Variants in AAGAB observed in about 807,000 individuals in gnomAD.
AAGAB encodes the protein alpha- and gamma-adaptin-binding protein p34.
In AAGAB, 38 loss-of-function variants were observed where a neutral mutation model predicts 44.1. That is an observed-to-expected ratio of 0.86 (90% CI 0.67 to 1.13). The LOEUF (loss-of-function observed/expected upper bound fraction) is 1.13. Among genes scored for constraint, AAGAB ranks in the 50% most tolerant of loss-of-function variants. The pLI, the probability that AAGAB is intolerant of heterozygous loss-of-function variation, is 0.00. For missense variants in AAGAB, 450 were observed against 373.8 expected (o/e 1.20, Z -1.68); for synonymous variants, 131 against 131.8 (o/e 0.99, Z 0.04).
At chr15:67,254,742 G>A, upstream of AAGAB, 1 of 1,363,694 alleles carries the variant, frequency 7.3e-7, no homozygotes, top group South Asian at 1.3e-5. Context: ...GGAATGACCA[G>A]GCTGGCCTGA....
intron 1 of AAGAB, among the ~76,000 whole-genome samples, chr15:67,238,437 T>C (rs1964519690): frequency 6.6e-6 from 1 of 152,186 alleles, no homozygotes; most frequent in Non-Finnish European, 1.5e-5. Context: ...AAATCAAAGA[T>C]GTTGTTTTCA....
chr15:67,211,802 G>A (rs1022659511), intron 5 of AAGAB, among the ~76,000 whole-genome samples: 3 of 152,132 alleles, frequency 2.0e-5, no homozygotes. Flanking sequence ...TGGCAGGCCA[G>A]AGTGCAACTC....
intron 5 of AAGAB, among the ~76,000 whole-genome samples, chr15:67,210,809 G>A (rs537285790): frequency 8.5e-5 from 13 of 152,186 alleles, no homozygotes; most frequent in Non-Finnish European, 1.8e-4. Context: ...CTCCAGGAGG[G>A]TCTTATGAAC....
At chr15:67,222,193 G>C (rs1408542706) in intron 5 of AAGAB, among the ~76,000 whole-genome samples, 1 of 149,402 alleles carries the variant, frequency 6.7e-6, no homozygotes, top group Non-Finnish European at 1.5e-5. Context: ...CATTTGCTTA[G>C]CAAAAGCAGA....
chr15:67,217,591 G>C (rs1036467721), intron 5 of AAGAB, among the ~76,000 whole-genome samples: 1 of 152,100 alleles, frequency 6.6e-6, no homozygotes, highest in African/African-American at 2.4e-5. Flanking sequence ...AGGCTGGAGT[G>C]CAGTGCTGTG....
intron 5 of AAGAB, 83 bp from the exon 6 acceptor site, chr15:67,209,627 A>T (rs923743573): frequency 2.7e-6 from 3 of 1,103,982 alleles, no homozygotes; most frequent in Admixed American, 1.8e-5. Flanking sequence ...AACAAAGGCT[A>T]CTTATTTGTT....
intron 5 of AAGAB, among the ~76,000 whole-genome samples, chr15:67,218,794 G>A (rs1407577264): frequency 6.6e-6 from 1 of 152,188 alleles, no homozygotes; most frequent in African/African-American, 2.4e-5. Flanking sequence ...GATTTCCACA[G>A]CCACAAACCA....
chr15:67,246,736 T>C (rs1301383108), intron 1 of AAGAB, among the ~76,000 whole-genome samples: 1 of 150,282 alleles, frequency 6.7e-6, no homozygotes, highest in Non-Finnish European at 1.5e-5. Flanking sequence ...CAGCACTCTG[T>C]GTCTAGCTAA....
chr15:67,236,873 G>A (rs1964483400), intron 1 of AAGAB, 53 bp from the exon 2 acceptor site: 2 of 1,414,588 alleles, frequency 1.4e-6, no homozygotes, highest in Non-Finnish European at 1.9e-6. Context: ...ATATACATTG[G>A]TTGATTTTCT....
chr15:67,231,312 T>G (rs1294474477), intron 5 of AAGAB, among the ~76,000 whole-genome samples: 1 of 152,226 alleles, frequency 6.6e-6, no homozygotes, highest in Non-Finnish European at 1.5e-5. Flanking sequence ...TCCCCTTTCA[T>G]TAGTCCAAAT....
At chr15:67,222,238 GCGCGCACACACACA>G (rs920434943) in intron 5 of AAGAB, among the ~76,000 whole-genome samples, 4 of 45,834 alleles carry the variant, frequency 8.7e-5, no homozygotes, top group East Asian at 6.3e-4. Flanking sequence ...GCACGCGCGC[GCGCGCACACACACA>G]CACACACACA....
chr15:67,203,562 CT>C lies in AAGAB; in HGVS notation c.855del (p.Val286CysfsTer43). On this transcript the variant is annotated frameshift_variant, in exon 9 of 10. Transcript: ENST00000261880. LOFTEE classifies it high-confidence loss of function. ...KAATLPHEQR[K>X]VHAEKVAKAF... ...GATTGTCTCACCTTTTCTGCATGCA[CT>C]TTTCTTTGCTCATGAGGAAGCGTCG... 1 of 1,613,694 alleles carries C rather than the reference CT, an allele frequency of 6.2e-7. No homozygotes were observed. Among genetic ancestry groups the C allele is most frequent in the Non-Finnish European group, 8.5e-7 (1 of 1,179,804 alleles).
chr15:67,251,550 T>C (rs1964873692), intron 1 of AAGAB, among the ~76,000 whole-genome samples: 1 of 152,166 alleles, frequency 6.6e-6, no homozygotes, highest in Non-Finnish European at 1.5e-5. Flanking sequence ...ACCACTGCAT[T>C]TGGACTGTTT....
chr15:67,209,317 G>A, intron 6 of AAGAB, 145 bp downstream of exon 6: 2 of 766,792 alleles, frequency 2.6e-6, no homozygotes, highest in South Asian at 3.4e-5. Flanking sequence ...AGCAAGGGCT[G>A]TTTTAGACCT....
In AAGAB at chr15:67,203,530, C is replaced by G. The variant is rs1208121116; in HGVS notation, c.870+18G>C. The G allele has an allele frequency of 3.1e-6, 5 of 1,611,348 alleles. No individual in the cohort carries two copies. Among genetic ancestry groups the G allele is most frequent in the Non-Finnish European group, 4.2e-6 (5 of 1,178,236 alleles). ...ACCTTTTATAGGTATTCAATAAATA[C>G]CTGGCTGATTGTCTCACCTTTTCTG... On this transcript the variant is annotated intron_variant, in intron 9 of 9. Coordinates refer to ENST00000261880, the MANE Select transcript of AAGAB (RefSeq NM_024666.5).
Position 67,201,909 on chromosome 15 carries a change from T to C in AAGAB, c.*912A>G, listed in dbSNP as rs561204981. 6.6e-6 allele frequency: 1 copy of C among 152,366 alleles called. No homozygotes were observed. The highest frequency in any genetic ancestry group is 1.5e-5 in the Non-Finnish European group (1 of 68,014). The allele number at this position is 152,366 out of a possible 1,614,324, so 9.4% of individuals were successfully genotyped here. On this transcript the variant is annotated 3_prime_UTR_variant, in exon 10 of 10. Transcript: ENST00000261880. ...ACATTTCACTTCCCCACCCACCCCT[T>C]AGTGCTCCCACTTTGGCAGTGATCT...
At chr15:67,232,569 GA>G in intron 4 of AAGAB, 22 of 408,340 alleles carry the variant, frequency 5.4e-5, no homozygotes, top group Admixed American at 9.3e-5. Context: ...AGAAATTCGG[GA>G]AAAAGTAGCC....
At chr15:67,240,546 T>C (rs1050980995) in intron 1 of AAGAB, among the ~76,000 whole-genome samples, 7 of 152,232 alleles carry the variant, frequency 4.6e-5, no homozygotes, top group African/African-American at 1.4e-4. Context: ...AGTTAATTTG[T>C]AGTGCTTTTA....
At chr15:67,238,192 T>G (rs1398238190) in intron 1 of AAGAB, among the ~76,000 whole-genome samples, 2 of 152,216 alleles carry the variant, frequency 1.3e-5, no homozygotes, top group Non-Finnish European at 2.9e-5. Flanking sequence ...TAAAATTTTT[T>G]CACCAAAACC....
Sources: allele counts gnomAD v4.1 joint callset (sites outside exome capture counted in the v4.1 genomes callset), GRCh38; gene constraint gnomAD v4.1.1; transcripts MANE v1.5; gene names NCBI Gene and HGNC (gene_info 2026-07-23, HGNC 2026-07-21).